INTS4: variants seen among roughly 807,000 people sequenced by gnomAD.
INTS4 encodes the protein MSTP093.
A neutral mutation model predicts 119.5 loss-of-function variants in INTS4; 70 were observed. The ratio of observed to expected loss-of-function variants is 0.59; its 90% CI spans 0.48 to 0.71. INTS4 has a LOEUF of 0.71. INTS4 is among the 30% of genes least tolerant of loss of function. INTS4 has a pLI of 0.00. For missense variants in INTS4, 867 were observed against 1,173.2 expected (o/e 0.74, Z 3.81); for synonymous variants, 316 against 419.6 (o/e 0.75, Z 3.02).
At chr11:77,960,310 A>G in intron 6 of INTS4, 31 bp downstream of exon 6, 2 of 1,545,804 alleles carry the variant, frequency 1.3e-6, no homozygotes, top group African/African-American at 1.4e-5. Flanking sequence ...GATACCTCCA[A>G]CCCCTTCCAG....
At chr11:77,916,600 C>T (rs1193702220) in intron 15 of INTS4, among the ~76,000 whole-genome samples, 3 of 152,224 alleles carry the variant, frequency 2.0e-5, no homozygotes, top group African/African-American at 4.8e-5. Flanking sequence ...CACTATACTA[C>T]ACCACTGCAG....
intron 8 of INTS4, among the ~76,000 whole-genome samples, chr11:77,951,494 C>T (rs1187302907): frequency 6.6e-6 from 1 of 152,096 alleles, no homozygotes; most frequent in African/African-American, 2.4e-5. Flanking sequence ...CTTCCTTACA[C>T]CTTATACAAA....
At chr11:77,878,248 C>G (rs368730518), downstream of INTS4, among the ~76,000 whole-genome samples, 168 of 151,908 alleles carry the variant, frequency 1.1e-3, no homozygotes, top group African/African-American at 2.7e-3. Flanking sequence ...TGTAGTCCCA[C>G]CTACTCAGGA....
intron 8 of INTS4, among the ~76,000 whole-genome samples, 196 bp downstream of exon 8, chr11:77,955,746 G>A (rs1241567861): frequency 1.3e-5 from 2 of 151,734 alleles, no homozygotes; most frequent in Non-Finnish European, 2.9e-5. Context: ...CGCCTGCCTT[G>A]GCCTCCCAAA....
rs752921278 is a variant in INTS4, at chr11:77,924,697, T to A, written c.1514+53A>T. On this transcript the variant is annotated intron_variant, in intron 12 of 22. Coordinates refer to ENST00000534064, the MANE Select transcript of INTS4 (RefSeq NM_033547.4). ...AAGGACGGAACAAATGTCAGCATTATACATTTACCACATTATGGGACTCAG... is the reference window on the plus strand; with the variant it reads ...AAGGACGGAACAAATGTCAGCATTAAACATTTACCACATTATGGGACTCAG... 7 of 1,520,394 alleles carry A rather than the reference T, an allele frequency of 4.6e-6. No individual in the cohort carries two copies. In the African/African-American group the frequency reaches 9.6e-5, roughly 21 times the overall value. 94.2% of individuals were successfully genotyped at this position (1,520,394 alleles called of 1,614,324 possible). A position where few individuals can be genotyped will look rare whatever the true frequency, so the allele number is the denominator to read the frequency against.
rs1952414032 is a variant in INTS4, at chr11:77,894,272, G to A, written c.2288+18C>T. On this transcript the variant is annotated intron_variant, in intron 19 of 22. Transcript: ENST00000534064. ...GTAACCAAGATTTAATAAGCCAGAA[G>A]AGTTATAAAATACTTACCTCTGAAA... The A allele has an allele frequency of 2.2e-6, 3 of 1,346,096 alleles. No individual in the cohort carries two copies. The highest frequency in any genetic ancestry group is 3.2e-6 in the Non-Finnish European group (3 of 951,020). 83.4% of individuals were successfully genotyped at this position (1,346,096 alleles called of 1,614,324 possible).
intron 22 of INTS4, among the ~76,000 whole-genome samples, chr11:77,880,602 C>A (rs1013396789): frequency 6.6e-6 from 1 of 152,154 alleles, no homozygotes; most frequent in African/African-American, 2.4e-5. Context: ...CCACACTCTC[C>A]CATTCCATCC....
chr11:77,916,014 A>G (rs1361037602), intron 15 of INTS4, among the ~76,000 whole-genome samples: 1 of 152,144 alleles, frequency 6.6e-6, no homozygotes, highest in Non-Finnish European at 1.5e-5. Context: ...TGGCCCACTC[A>G]TTGTGTGGCT....
chr11:77,986,972 A>G (rs554995193), intron 2 of INTS4: 32 of 152,366 alleles, frequency 2.1e-4, no homozygotes, highest in African/African-American at 7.5e-4. Context: ...TGTGCCCTAG[A>G]ACCTAAAGTA....
intron 3 of INTS4, among the ~76,000 whole-genome samples, chr11:77,980,373 A>G (rs571694363): frequency 2.1e-3 from 312 of 151,938 alleles, no homozygotes; most frequent in Non-Finnish European, 3.7e-3. Flanking sequence ...GCTTGTATTT[A>G]TTTTTTTATT....
At chr11:77,975,000 T>C (rs1855887278) in intron 4 of INTS4, among the ~76,000 whole-genome samples, 1 of 152,230 alleles carries the variant, frequency 6.6e-6, no homozygotes, top group Non-Finnish European at 1.5e-5. Context: ...TTGGTCAATA[T>C]AACTAAAGGT....
intron 1 of INTS4, among the ~76,000 whole-genome samples, chr11:77,992,776 C>T (rs551668240): frequency 3.3e-4 from 51 of 152,282 alleles, no homozygotes; most frequent in African/African-American, 1.2e-3. Context: ...CATACCAATA[C>T]TTTATTATCA....
chr11:77,990,732 A>C (rs1372705011), intron 2 of INTS4, among the ~76,000 whole-genome samples: 1 of 151,438 alleles, frequency 6.6e-6, no homozygotes, highest in African/African-American at 2.4e-5. Flanking sequence ...AAAGAGGGCC[A>C]CTGCAATTAG....
At chr11:77,902,071 T>C (rs1952794476) in intron 17 of INTS4, among the ~76,000 whole-genome samples, 1 of 152,216 alleles carries the variant, frequency 6.6e-6, no homozygotes, top group South Asian at 2.1e-4. Flanking sequence ...CTTGCTCGGT[T>C]CTATCCAAAT....
intron 15 of INTS4, among the ~76,000 whole-genome samples, chr11:77,916,120 G>A (rs2136468935): frequency 6.6e-6 from 1 of 152,276 alleles, no homozygotes; most frequent in African/African-American, 2.4e-5. Context: ...ATTTCTTTCT[G>A]CTTAAATTAG....
intron 18 of INTS4, among the ~76,000 whole-genome samples, chr11:77,899,386 T>C (rs757650409): frequency 3.3e-5 from 5 of 151,438 alleles, no homozygotes; most frequent in African/African-American, 9.7e-5. Context: ...AAATGAAAAA[T>C]ATAGGCTGGG....
At chr11:77,960,924 C>A in intron 5 of INTS4, 29 bp downstream of exon 5, 1 of 1,573,770 alleles carries the variant, frequency 6.4e-7, no homozygotes, top group South Asian at 1.2e-5. Flanking sequence ...TGAACACTAG[C>A]CCCAACTAGT....
intron 2 of INTS4, among the ~76,000 whole-genome samples, chr11:77,984,501 G>GA (rs111559039): frequency 0.015 from 2,014 of 133,716 alleles, 12 homozygotes; most frequent in Middle Eastern, 0.026. Flanking sequence ...GTCAAAAAAT[G>GA]AAAAAAAAAA....
intron 7 of INTS4, among the ~76,000 whole-genome samples, chr11:77,956,933 G>A (rs11559637): frequency 0.38 from 58,287 of 151,652 alleles, 11,355 homozygotes; most frequent in African/African-American, 0.42. Context: ...CAGTTGCATT[G>A]CAAATTATGC....
Sources: gnomAD v4.1 joint callset for allele counts (sites outside exome capture counted in the v4.1 genomes callset) on GRCh38, gnomAD v4.1.1 for gene constraint, MANE v1.5 for transcripts, NCBI Gene and HGNC (gene_info 2026-07-23, HGNC 2026-07-21) for gene names.